The following DNAH3 variants were observed in gnomAD, a reference collection of about 807,000 sequenced individuals.
DNAH3 encodes the protein dynein axonemal heavy chain 3.
In DNAH3, 332 loss-of-function variants were observed where a neutral mutation model predicts 432.5. The ratio of observed to expected loss-of-function variants is 0.77; its 90% confidence interval spans 0.70 to 0.84. The LOEUF is 0.84. DNAH3 is among the 40% of genes least tolerant of loss of function. The probability of loss-of-function intolerance (pLI) is 0.00; values close to 1 mark genes in which losing one functional copy is unlikely to be tolerated. For synonymous variants in DNAH3, 1,956 were observed against 1,900.2 expected (o/e 1.03, Z -0.76); for missense variants, 4,861 against 5,114.0 (o/e 0.95, Z 1.51).
At chr16:21,098,880 G>A (rs2091764796) in intron 16 of DNAH3, 111 bp from the exon 17 acceptor site, 9 of 1,083,814 alleles carry the variant, frequency 8.3e-6, no homozygotes, top group Non-Finnish European at 1.0e-5. Flanking sequence ...TCAGTTACCT[G>A]CAGATTTCCT....
intron 50 of DNAH3, among the ~76,000 whole-genome samples, chr16:20,976,005 G>C (rs923922052): frequency 6.6e-6 from 1 of 151,398 alleles, no homozygotes; most frequent in African/African-American, 2.4e-5. Context: ...TTAGCCTCCC[G>C]AAGTGCTGGG....
At chr16:21,025,124 G>T (rs557338633) in intron 38 of DNAH3, among the ~76,000 whole-genome samples, 2 of 151,932 alleles carry the variant, frequency 1.3e-5, no homozygotes, top group Admixed American at 1.3e-4. Flanking sequence ...ATGGGGTTTT[G>T]TCTTTAGTAG....
chr16:20,943,503 T>C (rs1048627688), intron 58 of DNAH3, among the ~76,000 whole-genome samples: 1 of 152,090 alleles, frequency 6.6e-6, no homozygotes, highest in Non-Finnish European at 1.5e-5. Context: ...GGACTACAGG[T>C]GCGATTCACT....
At chr16:20,960,817 C>T (rs1370530633) in intron 53 of DNAH3, among the ~76,000 whole-genome samples, 2 of 152,184 alleles carry the variant, frequency 1.3e-5, no homozygotes, top group African/African-American at 2.4e-5. Flanking sequence ...AATAACTCTC[C>T]AGTTTAAAAA....
intron 16 of DNAH3, among the ~76,000 whole-genome samples, chr16:21,099,844 G>T (rs907060577): frequency 6.6e-6 from 1 of 152,118 alleles, no homozygotes; most frequent in Non-Finnish European, 1.5e-5. Context: ...ACCCAGCCCT[G>T]TTCAAGGAAA....
At chr16:21,099,998 T>C (rs2091793861) in intron 16 of DNAH3, among the ~76,000 whole-genome samples, 1 of 152,232 alleles carries the variant, frequency 6.6e-6, no homozygotes, top group South Asian at 2.1e-4. Flanking sequence ...TAAATTTGGT[T>C]ATCCTAAGAA....
intron 44 of DNAH3, among the ~76,000 whole-genome samples, chr16:20,993,558 A>T (rs1480181055): frequency 6.6e-6 from 1 of 152,208 alleles, no homozygotes; most frequent in Non-Finnish European, 1.5e-5. Flanking sequence ...TTCCTTAAGT[A>T]TCTTAAATGT....
At chr16:21,013,610 T>C (rs2087712188) in intron 41 of DNAH3, among the ~76,000 whole-genome samples, 1 of 149,426 alleles carries the variant, frequency 6.7e-6, no homozygotes, top group South Asian at 2.1e-4. Context: ...TCCCAGCTAC[T>C]CGGGAGGCTG....
chr16:21,034,753 A>G (rs3115432), intron 35 of DNAH3, among the ~76,000 whole-genome samples: 126,210 of 152,246 alleles, frequency 0.83, 53,025 homozygotes, highest in African/African-American at 0.96. Context: ...AATAAGAAGC[A>G]TCTAAATGAA....
intron 61 of DNAH3, among the ~76,000 whole-genome samples, chr16:20,934,817 CAAGTT>C (rs1460413449): frequency 1.3e-5 from 2 of 152,004 alleles, no homozygotes; most frequent in South Asian, 2.1e-4. Context: ...AAAGGCTAAT[CAAGTT>C]AAGTTCATTC....
Position 20,971,110 on chromosome 16 carries a change from C to T in DNAH3, c.8260-1120G>A, listed in dbSNP as rs181318432. Reference sequence around the variant, plus strand: ...CTCGAACTCCTGACCTCAAGTGATCCGCCCGCCTCGGCCTCCCAAAGTGCT... The same window carrying T: ...CTCGAACTCCTGACCTCAAGTGATCTGCCCGCCTCGGCCTCCCAAAGTGCT... On this transcript the variant is annotated intron_variant, in intron 51 of 61. Coordinates refer to ENST00000261383, the Ensembl canonical transcript of DNAH3. Among the ~76,000 whole-genome samples the T allele has an allele frequency of 9.9e-5, 15 of 152,010 alleles. No homozygotes were observed. The East Asian group carries it at 2.1e-3, about 22-fold the overall frequency.
At chr16:21,062,740 C>A in intron 24 of DNAH3, 57 bp from the exon 25 acceptor site, 1 of 1,431,372 alleles carries the variant, frequency 7.0e-7, no homozygotes, top group Middle Eastern at 1.8e-4. Context: ...CTTTTTCTAG[C>A]AAGGTGATAC....
chr16:21,120,679 C>T, intron 11 of DNAH3: 1 of 1,355,502 alleles, frequency 7.4e-7, no homozygotes, highest in African/African-American at 1.4e-5. Context: ...GTTTTCAAAC[C>T]TGGTACAAAC....
chr16:20,942,405 C>T (rs181332856), intron 58 of DNAH3, among the ~76,000 whole-genome samples: 2 of 152,324 alleles, frequency 1.3e-5, no homozygotes, highest in East Asian at 1.9e-4. Context: ...GAGAGACAGA[C>T]ACCCTGTGGT....
At chr16:21,009,875 G>C (rs1442613269) in intron 41 of DNAH3, among the ~76,000 whole-genome samples, 1 of 132,704 alleles carries the variant, frequency 7.5e-6, no homozygotes, top group African/African-American at 2.8e-5. Context: ...AGAGAATGAG[G>C]CTCTGTCAAG....
chr16:21,067,794 A>AGAGAGAGAGAGAGG, intron 23 of DNAH3, among the ~76,000 whole-genome samples: 1 of 130,604 alleles, frequency 7.7e-6, no homozygotes, highest in Non-Finnish European at 1.6e-5. Context: ...AGAGAGAGAG[A>AGAGAGAGAGAGAGG]GAGAGAGACT....
chr16:21,026,662 C>T (rs1032151784), intron 38 of DNAH3, among the ~76,000 whole-genome samples: 16 of 128,778 alleles, frequency 1.2e-4, no homozygotes, highest in African/African-American at 3.6e-4. Context: ...GATCATGCCA[C>T]GGGACTCCAG....
intron 59 of DNAH3, 74 bp downstream of exon 59, chr16:20,941,327 T>A (rs1029899718): frequency 1.9e-6 from 3 of 1,581,634 alleles, no homozygotes; most frequent in Non-Finnish European, 2.6e-6. Flanking sequence ...AGCAACCCCT[T>A]CTCAGCTACT....
At chr16:21,073,278 G>A (rs980102989) in intron 21 of DNAH3, among the ~76,000 whole-genome samples, 1 of 152,186 alleles carries the variant, frequency 6.6e-6, no homozygotes, top group African/African-American at 2.4e-5. Context: ...ACTGATCCTT[G>A]TCTGTAGTTA....
Sources: allele counts gnomAD v4.1 joint callset (sites outside exome capture counted in the v4.1 genomes callset), GRCh38; gene constraint gnomAD v4.1.1; transcripts MANE v1.5; gene names NCBI Gene and HGNC (gene_info 2026-07-23, HGNC 2026-07-21).